Variants in IGSF21 observed in about 807,000 individuals in gnomAD.
IGSF21 encodes the protein immunoglobulin superfamily member 21.
IGSF21 carries 28 observed loss-of-function variants against 46.8 expected under a neutral mutation model. The observed-to-expected ratio is 0.60, with a 90% CI of 0.44 to 0.82. The LOEUF is 0.82. Among genes scored for constraint, IGSF21 ranks in the 40% least tolerant of loss-of-function variants. The pLI, the probability that IGSF21 is intolerant of heterozygous loss-of-function variation, is 0.00. For missense variants in IGSF21, 624 were observed against 665.5 expected (o/e 0.94, Z 0.69); for synonymous variants, 284 against 273.6 (o/e 1.04, Z -0.38).
rs868047348 is a variant in IGSF21, at chr1:18,290,582, A to G, written c.184-1284A>G. Among the ~76,000 whole-genome samples, 3 of 152,334 alleles carry G rather than the reference A, an allele frequency of 2.0e-5. No individual in the cohort carries two copies. Among genetic ancestry groups the G allele is most frequent in the Non-Finnish European group, 2.9e-5 (2 of 68,020 alleles). On this transcript the variant is annotated intron_variant, in intron 2 of 9. Coordinates refer to ENST00000251296, the MANE Select transcript of IGSF21 (RefSeq NM_032880.5). This position sits in a 1 kb window ranked among gnomAD's most constrained non-coding sequence, Gnocchi z 4.2. ...TCTGCACACAGCTGGTTGCTCAACCAGTGCTGGCCAGATGCACGGAGTCTC... is the reference window on the plus strand; with the variant it reads ...TCTGCACACAGCTGGTTGCTCAACCGGTGCTGGCCAGATGCACGGAGTCTC...
intron 6 of IGSF21, among the ~76,000 whole-genome samples, chr1:18,370,492 T>C (rs1314193376): frequency 5.9e-5 from 9 of 152,216 alleles, no homozygotes; most frequent in Non-Finnish European, 1.0e-4. Flanking sequence ...GTCAGCATCA[T>C]GAAGCCTCTA....
At chr1:18,282,643 C>T (rs1182657137) in intron 2 of IGSF21, among the ~76,000 whole-genome samples, 1 of 151,140 alleles carries the variant, frequency 6.6e-6, no homozygotes, top group East Asian at 1.9e-4. Context: ...CATACACACA[C>T]ACACACACAC....
chr1:18,190,402 G>A (rs951778562), intron 1 of IGSF21, among the ~76,000 whole-genome samples: 8 of 152,228 alleles, frequency 5.3e-5, no homozygotes, highest in Non-Finnish European at 1.0e-4. Flanking sequence ...CCTAGCCAGA[G>A]GTAGTCTGGA....
chr1:18,226,612 G>A lies in IGSF21; in HGVS notation c.71-1286G>A, dbSNP rs190864286. 1.1e-4 allele frequency among the ~76,000 whole-genome samples: 17 copies of A among 152,306 alleles called. No homozygotes were observed. In the East Asian group the frequency reaches 2.1e-3, roughly 19 times the overall value. On this transcript the variant is annotated intron_variant, in intron 1 of 9. Coordinates refer to ENST00000251296, the MANE Select transcript of IGSF21 (RefSeq NM_032880.5). ...CTGAAGCCTTGGACCGTGCAGGTCCGCTCTGACTCCAACTTCCAAATTGAT... is the reference window on the plus strand; with the variant it reads ...CTGAAGCCTTGGACCGTGCAGGTCCACTCTGACTCCAACTTCCAAATTGAT...
At chr1:18,191,334 A>G (rs1170957046) in intron 1 of IGSF21, among the ~76,000 whole-genome samples, 1 of 152,144 alleles carries the variant, frequency 6.6e-6, no homozygotes, top group Non-Finnish European at 1.5e-5. Context: ...TTGCCTTACA[A>G]ACTGTGAAGT....
intron 1 of IGSF21, among the ~76,000 whole-genome samples, chr1:18,204,675 T>C (rs1247848138): frequency 6.6e-6 from 1 of 152,132 alleles, no homozygotes; most frequent in Admixed American, 6.5e-5. Flanking sequence ...CTGATCTCCC[T>C]TGGAGCATGA....
chr1:18,166,339 A>C (rs1191084804), intron 1 of IGSF21, among the ~76,000 whole-genome samples: 1 of 152,078 alleles, frequency 6.6e-6, no homozygotes, highest in East Asian at 1.9e-4. Context: ...GGTTTCCCCT[A>C]ATTTGTCTTC....
Position 18,367,340 on chromosome 1 carries a change from A to C in IGSF21, c.1015+1643A>C, listed in dbSNP as rs191322530. Among the ~76,000 whole-genome samples the C allele has an allele frequency of 2.4e-3, 359 of 152,326 alleles. 5 individuals carry two copies. Among genetic ancestry groups the C allele is most frequent in the African/African-American group, 7.8e-3 (326 of 41,580 alleles). ...GAACATCTGCAAGGATTCTCATCCAATCCTCACAAGCACAAGTTGGCTGTG... is the reference window on the plus strand; with the variant it reads ...GAACATCTGCAAGGATTCTCATCCACTCCTCACAAGCACAAGTTGGCTGTG... On this transcript the variant is annotated intron_variant, in intron 6 of 9. Coordinates refer to ENST00000251296, the MANE Select transcript of IGSF21 (RefSeq NM_032880.5).
chr1:18,260,546 CT>C (rs1287025880), intron 2 of IGSF21, among the ~76,000 whole-genome samples: 1 of 152,232 alleles, frequency 6.6e-6, no homozygotes, highest in Non-Finnish European at 1.5e-5. Flanking sequence ...TTTTGCACTC[CT>C]ATTTATACCC....
At chr1:18,171,674 A>C (rs1225669414) in intron 1 of IGSF21, among the ~76,000 whole-genome samples, 6 of 152,230 alleles carry the variant, frequency 3.9e-5, no homozygotes. Context: ...AGCACTTAAT[A>C]AACAAAAGCC....
intron 9 of IGSF21, 98 bp from the exon 10 acceptor site, chr1:18,378,158 C>T: frequency 1.0e-6 from 1 of 1,001,808 alleles, no homozygotes; most frequent in Non-Finnish European, 1.5e-6. Flanking sequence ...TGTCCTGATG[C>T]TGAAATCCAG....
intron 2 of IGSF21, among the ~76,000 whole-genome samples, chr1:18,281,428 T>C (rs1191704997): frequency 2.0e-5 from 3 of 151,994 alleles, no homozygotes; most frequent in African/African-American, 4.8e-5. Context: ...TAGCCAGTCG[T>C]GGTGGTGGGC....
chr1:18,265,864 G>C (rs992678488), intron 2 of IGSF21, among the ~76,000 whole-genome samples: 14 of 152,210 alleles, frequency 9.2e-5, no homozygotes, highest in African/African-American at 3.1e-4. Context: ...GCAGCCAATG[G>C]GCTCTGTCCC....
At chr1:18,246,304 G>T (rs143093168) in intron 2 of IGSF21, among the ~76,000 whole-genome samples, 4,225 of 152,130 alleles carry the variant, frequency 0.028, 85 homozygotes, top group Admixed American at 0.043. Flanking sequence ...GACTCTTGCT[G>T]CCTCAGGTCC....
At chr1:18,157,181 C>T (rs933615990) in intron 1 of IGSF21, among the ~76,000 whole-genome samples, 1 of 152,152 alleles carries the variant, frequency 6.6e-6, no homozygotes, top group African/African-American at 2.4e-5. Context: ...CTTTCTACAA[C>T]CCTCACTGCT....
At chr1:18,317,074 T>C (rs1257115257) in intron 3 of IGSF21, among the ~76,000 whole-genome samples, 1 of 152,198 alleles carries the variant, frequency 6.6e-6, no homozygotes, top group African/African-American at 2.4e-5. Context: ...GTAATCTGAC[T>C]GTACCCTAGG....
chr1:18,170,071 G>A (rs1011158081), intron 1 of IGSF21, among the ~76,000 whole-genome samples: 11 of 152,184 alleles, frequency 7.2e-5, no homozygotes, highest in Admixed American at 3.9e-4. Flanking sequence ...CACAGCAGGC[G>A]CCCAGGAAGT....
At chr1:18,288,567 C>T (rs1490247461) in intron 2 of IGSF21, among the ~76,000 whole-genome samples, 2 of 152,224 alleles carry the variant, frequency 1.3e-5, no homozygotes, top group Non-Finnish European at 2.9e-5. Flanking sequence ...AGGTGTCTTC[C>T]AGCACACCCA....
At chr1:18,197,637 A>C (rs2087022202) in intron 1 of IGSF21, among the ~76,000 whole-genome samples, 1 of 152,194 alleles carries the variant, frequency 6.6e-6, no homozygotes. Context: ...AATGCTCCAG[A>C]GAGGGCCTTG....
Sources: gnomAD v4.1 joint callset for allele counts (sites outside exome capture counted in the v4.1 genomes callset) on GRCh38, gnomAD v4.1.1 for gene constraint, Gnocchi (gnomAD v3.1) non-coding constraint, MANE v1.5 for transcripts, NCBI Gene and HGNC (gene_info 2026-07-23, HGNC 2026-07-21) for gene names.